The following ANO4 variants were observed in gnomAD, a reference collection of about 807,000 sequenced individuals.
ANO4 encodes the protein anoctamin 4.
ANO4 carries 69 observed loss-of-function variants against 141.9 expected under a neutral mutation model. The ratio of observed to expected loss-of-function variants is 0.49; its 90% CI spans 0.40 to 0.59. ANO4 has a LOEUF of 0.59. ANO4 is among the 20% of genes least tolerant of loss of function. The pLI is 0.00. For missense variants in ANO4, 894 were observed against 1,162.2 expected (o/e 0.77, Z 3.36); for synonymous variants, 350 against 394.3 (o/e 0.89, Z 1.33).
chr12:100,839,421 A>G (rs952206216), intron 1 of ANO4, among the ~76,000 whole-genome samples: 2 of 152,214 alleles, frequency 1.3e-5, no homozygotes, highest in Non-Finnish European at 2.9e-5. Context: ...TACCTTAACC[A>G]GTTTATTTCT....
At chr12:100,746,957 C>T (rs769353097) in intron 3 of ANO4, among the ~76,000 whole-genome samples, 3 of 152,084 alleles carry the variant, frequency 2.0e-5, no homozygotes, top group Non-Finnish European at 2.9e-5. Context: ...TTTGCTAATA[C>T]CAGTTTCTCA....
At position 100,987,670 on chromosome 12, in the gene ANO4, A is replaced by G. The variant is rs749701105; in HGVS notation, c.734A>G (p.His245Arg). The change falls in exon 8 of 28, where the codon CAC (histidine) becomes CGC (arginine). Residue 245 changes from histidine to arginine, a missense_variant and splice_region_variant. By Grantham distance (29) the His-to-Arg change is conservative (BLOSUM62 0). Around this residue, in one of 2 missense-constraint regions of ANO4, gnomAD observed 637 missense variants for 909.2 expected, o/e 0.70. Transcript: ENST00000392977. The part of the protein sequence containing the change: ...TAPFSQQRIH[H>R]FIIHNKETFF... ...CCTTTCAGCCAGCAAAGGATCCATC[A>G]GTGAGTGTTCCATGTTAAAGCCCCA... 1 of 1,613,808 alleles carries G rather than the reference A, an allele frequency of 6.2e-7. No individual in the cohort carries two copies. Among genetic ancestry groups the G allele is most frequent in the Admixed American group, 1.7e-5 (1 of 59,998 alleles).
chr12:100,726,417 A>C (rs1453729352), intron 1 of ANO4, among the ~76,000 whole-genome samples: 1 of 152,126 alleles, frequency 6.6e-6, no homozygotes, highest in Non-Finnish European at 1.5e-5. Context: ...TAATTCTCCC[A>C]TTCCTAGCGC....
chr12:100,801,211 C>T (rs1214232716), intron 1 of ANO4, among the ~76,000 whole-genome samples: 1 of 151,922 alleles, frequency 6.6e-6, no homozygotes, highest in African/African-American at 2.4e-5. Flanking sequence ...AGCAGATAAC[C>T]AATAATCCTT....
chr12:100,911,432 G>A (rs1056595406), intron 2 of ANO4, among the ~76,000 whole-genome samples: 5 of 152,146 alleles, frequency 3.3e-5, no homozygotes, highest in East Asian at 3.8e-4. Context: ...AAACCTTAGC[G>A]TAAGAAAACC....
At chr12:100,967,066 TGAACAAA>T (rs1036397097) in intron 5 of ANO4, among the ~76,000 whole-genome samples, 1 of 152,100 alleles carries the variant, frequency 6.6e-6, no homozygotes, top group African/African-American at 2.4e-5. Flanking sequence ...ATGTTCTTGC[TGAACAAA>T]AGAAAAAAAA....
At chr12:101,014,387 G>T (rs1385189260) in intron 8 of ANO4, among the ~76,000 whole-genome samples, 1 of 152,168 alleles carries the variant, frequency 6.6e-6, no homozygotes, top group Non-Finnish European at 1.5e-5. Context: ...AAACGAGGTT[G>T]CTCACTACCC....
intron 9 of ANO4, among the ~76,000 whole-genome samples, chr12:101,030,758 A>T (rs1223505857): frequency 6.6e-6 from 1 of 152,182 alleles, no homozygotes; most frequent in Non-Finnish European, 1.5e-5. Flanking sequence ...ATAAAAAATG[A>T]TAAAGGGGAG....
intron 1 of ANO4, among the ~76,000 whole-genome samples, chr12:100,829,586 G>T (rs2036534624): frequency 6.6e-6 from 1 of 152,032 alleles, no homozygotes; most frequent in African/African-American, 2.4e-5. Context: ...TTTTTAAAGT[G>T]TAAGTTAAAG....
intron 15 of ANO4, among the ~76,000 whole-genome samples, chr12:101,082,085 C>T (rs1037044336): frequency 1.3e-5 from 2 of 152,172 alleles, no homozygotes; most frequent in African/African-American, 4.8e-5. Flanking sequence ...ACCCAAATCT[C>T]ATCTTTAGTT....
chr12:100,723,584 C>A (rs2030963742), intron 1 of ANO4, among the ~76,000 whole-genome samples: 1 of 152,122 alleles, frequency 6.6e-6, no homozygotes, highest in South Asian at 2.1e-4. Context: ...TTTCGTAAAC[C>A]TATAAAATAC....
chr12:100,761,562 C>T (rs577048133), intron 3 of ANO4, among the ~76,000 whole-genome samples: 151 of 152,250 alleles, frequency 9.9e-4, no homozygotes, highest in African/African-American at 3.3e-3. Flanking sequence ...CAGTGAAGCT[C>T]CTTAAAGACT....
At chr12:100,935,512 C>G (rs1226955495) in intron 3 of ANO4, among the ~76,000 whole-genome samples, 1 of 152,136 alleles carries the variant, frequency 6.6e-6, no homozygotes, top group Non-Finnish European at 1.5e-5. Flanking sequence ...AATATTCTAC[C>G]AGGCAGATAA....
chr12:101,044,700 C>T (rs1015610181), intron 13 of ANO4, among the ~76,000 whole-genome samples: 16 of 152,130 alleles, frequency 1.1e-4, no homozygotes, highest in Admixed American at 5.9e-4. Flanking sequence ...TGCAGGTGGC[C>T]GGTCTGTGTA....
At chr12:101,118,847 C>T (rs547769611) in intron 25 of ANO4, among the ~76,000 whole-genome samples, 75 of 151,424 alleles carry the variant, frequency 5.0e-4, no homozygotes, top group Middle Eastern at 3.4e-3. Context: ...AGGTATATCT[C>T]CTAATGCTAT....
At chr12:100,970,269 A>G (rs1316889491) in intron 5 of ANO4, among the ~76,000 whole-genome samples, 1 of 152,150 alleles carries the variant, frequency 6.6e-6, no homozygotes, top group African/African-American at 2.4e-5. Flanking sequence ...ACCTTTGACA[A>G]CCTAAATCAA....
chr12:100,885,741 G>A (rs1021850624), intron 1 of ANO4, among the ~76,000 whole-genome samples: 21 of 152,240 alleles, frequency 1.4e-4, no homozygotes, highest in African/African-American at 5.1e-4. Flanking sequence ...CTCTCCTTTT[G>A]GGTGCTGGTA....
chr12:101,080,034 T>C (rs533870468), intron 15 of ANO4, among the ~76,000 whole-genome samples: 2 of 152,362 alleles, frequency 1.3e-5, no homozygotes, highest in African/African-American at 4.8e-5. Flanking sequence ...CTCTCGTTCA[T>C]TATCTCTTAC....
At chr12:100,916,465 T>A (rs2041347928) in intron 2 of ANO4, among the ~76,000 whole-genome samples, 1 of 152,146 alleles carries the variant, frequency 6.6e-6, no homozygotes, top group Non-Finnish European at 1.5e-5. Context: ...TCTAATATGT[T>A]CAAGGCCTTG....
Sources: allele counts gnomAD v4.1 joint callset (sites outside exome capture counted in the v4.1 genomes callset), GRCh38; gene constraint gnomAD v4.1.1; regional missense constraint gnomAD v4.1.1; transcripts MANE v1.5; gene names NCBI Gene and HGNC (gene_info 2026-07-23, HGNC 2026-07-21).